CTNNA2: variants seen among roughly 807,000 people sequenced by gnomAD.
CTNNA2 encodes the protein catenin alpha-2.
A neutral mutation model predicts 101.0 loss-of-function variants in CTNNA2; 42 were observed. The ratio of observed to expected loss-of-function variants is 0.42; its 90% CI spans 0.32 to 0.54. CTNNA2 has a LOEUF of 0.54. Among genes scored for constraint, CTNNA2 ranks in the 20% least tolerant of loss-of-function variants. CTNNA2 has a pLI of 0.14. For synonymous variants in CTNNA2, 450 were observed against 456.4 expected (o/e 0.99, Z 0.18); for missense variants, 871 against 1,223.1 (o/e 0.71, Z 4.29).
chr2:79,753,927 G>A (rs1369533849), intron 3 of CTNNA2, among the ~76,000 whole-genome samples: 6 of 147,480 alleles, frequency 4.1e-5, no homozygotes, highest in South Asian at 2.1e-4. Context: ...GGAGTGCAGC[G>A]GCGTCATCTT....
chr2:80,431,060 G>A (rs754684449), intron 9 of CTNNA2, among the ~76,000 whole-genome samples: 2 of 152,114 alleles, frequency 1.3e-5, no homozygotes, highest in Non-Finnish European at 2.9e-5. Flanking sequence ...AAAATTCTTC[G>A]ATGTTAGAAG....
At chr2:79,942,023 G>A (rs953526321) in intron 7 of CTNNA2, among the ~76,000 whole-genome samples, 2 of 152,150 alleles carry the variant, frequency 1.3e-5, no homozygotes, top group Non-Finnish European at 2.9e-5. Context: ...ACATCATGTT[G>A]GCATAAGGTC....
intron 9 of CTNNA2, among the ~76,000 whole-genome samples, chr2:80,525,748 T>C (rs559166167): frequency 2.0e-5 from 3 of 152,300 alleles, no homozygotes; most frequent in South Asian, 2.1e-4. Flanking sequence ...AGAGTGACTG[T>C]AACTTGAAGT....
At chr2:79,370,378 T>G (rs1318975997) in intron 3 of CTNNA2, among the ~76,000 whole-genome samples, 2 of 152,182 alleles carry the variant, frequency 1.3e-5, no homozygotes, top group Admixed American at 6.5e-5. Flanking sequence ...GAACAAACCC[T>G]AAAGCTTTTG....
At chr2:80,250,181 GGGA>G (rs1187760191) in intron 7 of CTNNA2, among the ~76,000 whole-genome samples, 1 of 113,180 alleles carries the variant, frequency 8.8e-6, no homozygotes, top group Non-Finnish European at 1.9e-5. Context: ...CATGGATGGG[GGGA>G]GAGAGAGAGA....
chr2:80,382,892 T>C (rs1218370243), intron 7 of CTNNA2, among the ~76,000 whole-genome samples: 1 of 152,234 alleles, frequency 6.6e-6, no homozygotes, highest in Non-Finnish European at 1.5e-5. Context: ...TTTAATTTCA[T>C]TGAAATTTAA....
chr2:80,375,809 C>T (rs1434200924), intron 7 of CTNNA2, among the ~76,000 whole-genome samples: 3 of 151,768 alleles, frequency 2.0e-5, no homozygotes, highest in South Asian at 2.1e-4. Flanking sequence ...ATGATTCACC[C>T]GCCTCGGCCT....
At chr2:80,123,781 A>G (rs919858622) in intron 7 of CTNNA2, among the ~76,000 whole-genome samples, 25 of 152,152 alleles carry the variant, frequency 1.6e-4, no homozygotes, top group Non-Finnish European at 2.9e-5. Flanking sequence ...TTTCACTAGG[A>G]TGTTACTGGA....
intron 2 of CTNNA2, among the ~76,000 whole-genome samples, chr2:79,712,685 T>C (rs1685819658): frequency 2.0e-5 from 3 of 152,128 alleles, no homozygotes; most frequent in Non-Finnish European, 4.4e-5. Flanking sequence ...TAAAGCAGCT[T>C]TTAAAGAATA....
rs79262786 is a variant in CTNNA2, at chr2:79,243,728, A to G, written c.-406+45652A>G. Among the ~76,000 whole-genome samples, 883 of 152,298 alleles carry G rather than the reference A, an allele frequency of 5.8e-3. 11 individuals are homozygous for G. The highest frequency in any genetic ancestry group is 0.019 in the African/African-American group (797 of 41,578). ...ACTGAGGATCAGGAAAAGTCTTCCT[A>G]TGGAAGTCCCCTTTAAGCTGAACCC... On this transcript the variant is annotated intron_variant, in intron 2 of 21. Transcript: ENST00000466387.
chr2:80,446,417 A>G (rs1683076204), intron 9 of CTNNA2, among the ~76,000 whole-genome samples: 2 of 152,248 alleles, frequency 1.3e-5, no homozygotes, highest in African/African-American at 4.8e-5. Context: ...TGCTTATTAC[A>G]TTGATCTATT....
intron 7 of CTNNA2, among the ~76,000 whole-genome samples, chr2:80,143,484 T>C (rs796166436): frequency 1.2e-4 from 19 of 152,292 alleles, no homozygotes; most frequent in African/African-American, 4.6e-4. Flanking sequence ...GGCAGTACAT[T>C]ATTACTTATT....
chr2:80,108,661 A>T (rs528932707), intron 7 of CTNNA2, among the ~76,000 whole-genome samples: 1 of 152,300 alleles, frequency 6.6e-6, no homozygotes, highest in African/African-American at 2.4e-5. Context: ...AGGCTGCACA[A>T]TCAATGTTGT....
intron 3 of CTNNA2, among the ~76,000 whole-genome samples, chr2:79,316,563 C>T (rs1432271352): frequency 6.6e-6 from 1 of 151,932 alleles, no homozygotes; most frequent in African/African-American, 2.4e-5. Flanking sequence ...GGCTTTCTTT[C>T]CACTCATTTA....
At chr2:79,749,020 CAGA>C (rs1291030402) in intron 3 of CTNNA2, among the ~76,000 whole-genome samples, 1 of 152,080 alleles carries the variant, frequency 6.6e-6, no homozygotes, top group Non-Finnish European at 1.5e-5. Context: ...AGCAGGCTGG[CAGA>C]AGAACCATAA....
intron 7 of CTNNA2, among the ~76,000 whole-genome samples, chr2:80,187,476 C>G (rs1034986379): frequency 1.3e-5 from 2 of 152,222 alleles, no homozygotes; most frequent in African/African-American, 4.8e-5. Flanking sequence ...ACGTATGTTG[C>G]TCATCTATAC....
Position 80,608,290 on chromosome 2 carries a change from A to G in CTNNA2, c.2402A>G (p.Asn801Ser), listed in dbSNP as rs1417696873. The change falls in exon 17 of 19, where the codon AAT becomes AGT. Residue 801 changes from asparagine to serine, a missense_variant. Physicochemically the swap from Asn to Ser is conservative, Grantham distance 46. Coordinates refer to ENST00000402739, the MANE Select transcript of CTNNA2 (RefSeq NM_001282597.3). ...ICSKVKAEVQ[N>S]LGGELIVSGT... is the part of the protein sequence containing the mutation. Reference sequence around the variant, plus strand: ...AGCAAGGTGAAGGCAGAAGTGCAGAATCTGGGAGGAGAGCTCATTGTGTCA... The same window carrying G: ...AGCAAGGTGAAGGCAGAAGTGCAGAGTCTGGGAGGAGAGCTCATTGTGTCA... 1 of 1,610,498 alleles carries G rather than the reference A, an allele frequency of 6.2e-7. No individual in the cohort carries two copies. The highest frequency in any genetic ancestry group is 1.1e-5 in the South Asian group (1 of 90,888).
chr2:79,876,781 A>G (rs764051717), intron 6 of CTNNA2, among the ~76,000 whole-genome samples: 7 of 152,240 alleles, frequency 4.6e-5, no homozygotes, highest in Non-Finnish European at 8.8e-5. Flanking sequence ...CATGTGGGGA[A>G]AATCTATTAG....
chr2:79,966,064 G>A (rs148046373), intron 7 of CTNNA2, among the ~76,000 whole-genome samples: 2,342 of 151,894 alleles, frequency 0.015, 73 homozygotes, highest in African/African-American at 0.053. Context: ...AGAGATGCTC[G>A]TAACCCATTC....
Sources: gnomAD v4.1 joint callset for allele counts (sites outside exome capture counted in the v4.1 genomes callset) on GRCh38, gnomAD v4.1.1 for gene constraint, MANE v1.5 for transcripts, NCBI Gene and HGNC (gene_info 2026-07-23, HGNC 2026-07-21) for gene names.